Variants in TENM2 observed in about 807,000 individuals in gnomAD.
TENM2 encodes teneurin-2.
TENM2 carries 52 observed loss-of-function variants against 245.2 expected under a neutral mutation model. That is an observed-to-expected ratio of 0.21 (90% CI 0.17 to 0.27). The LOEUF (loss-of-function observed/expected upper bound fraction) is 0.27, where lower values mean the gene tolerates loss of function less well. Among genes scored for constraint, TENM2 ranks in the 10% least tolerant of loss-of-function variants. The pLI is 1.00. For missense variants in TENM2, 3,046 were observed against 3,666.8 expected, an observed-to-expected ratio of 0.83 and a Z score of 4.37; for synonymous variants, 1,363 against 1,438.9, an observed-to-expected ratio of 0.95 and a Z score of 1.19.
intron 17 of TENM2, 21 bp from the exon 20 acceptor site, chr5:168,203,668 C>A: frequency 6.3e-7 from 1 of 1,580,512 alleles, no homozygotes; most frequent in South Asian, 1.1e-5. Context: ...CTCACTCTGC[C>A]CCACCCCTTT....
At chr5:167,772,727 C>T (rs1202100798) in intron 2 of TENM2, among the ~76,000 whole-genome samples, 1 of 152,028 alleles carries the variant, frequency 6.6e-6, no homozygotes, top group Non-Finnish European at 1.5e-5. Context: ...AATAGCCAGG[C>T]TTGCATGTTA....
intron 2 of TENM2, among the ~76,000 whole-genome samples, chr5:167,702,552 G>GTGTGTGTGTGTATATA (rs58351767): frequency 3.3e-4 from 45 of 136,778 alleles, no homozygotes; most frequent in African/African-American, 1.1e-3. Flanking sequence ...GTGTGTGTGT[G>GTGTGTGTGTGTATATA]TATATATATA....
At chr5:167,208,402 C>T in the TENM2 span, among the ~76,000 whole-genome samples, 1 of 152,142 alleles carries the variant, frequency 6.6e-6, no homozygotes, top group South Asian at 2.1e-4. Flanking sequence ...GTTCCACATC[C>T]TAAGGAGAAA....
At chr5:167,573,736 T>G (rs950353969) in intron 2 of TENM2, among the ~76,000 whole-genome samples, 3 of 152,120 alleles carry the variant, frequency 2.0e-5, no homozygotes, top group Admixed American at 6.5e-5. Context: ...CAGCTCAGTT[T>G]GATCGAGCGT....
chr5:167,690,404 G>T (rs958640290), intron 2 of TENM2, among the ~76,000 whole-genome samples: 1 of 152,004 alleles, frequency 6.6e-6, no homozygotes, highest in African/African-American at 2.4e-5. Flanking sequence ...TCTTGAGTTG[G>T]TATACAGAGT....
At chr5:168,163,863 C>A (rs1037369108) in intron 13 of TENM2, among the ~76,000 whole-genome samples, 2 of 152,154 alleles carry the variant, frequency 1.3e-5, no homozygotes, top group African/African-American at 4.8e-5. Flanking sequence ...ACACCTTCCT[C>A]CAGAGCCTCA....
chr5:167,468,005 C>T (rs534067226), intron 2 of TENM2, among the ~76,000 whole-genome samples: 4 of 152,142 alleles, frequency 2.6e-5, no homozygotes, highest in Non-Finnish European at 5.9e-5. Flanking sequence ...GGCACGATCT[C>T]GGCTCATTGC....
the TENM2 span, among the ~76,000 whole-genome samples, chr5:167,170,175 C>G: frequency 2.6e-5 from 4 of 152,170 alleles, no homozygotes; most frequent in Non-Finnish European, 5.9e-5. Context: ...ATAAGCATAC[C>G]GTAGAATTCC....
chr5:167,506,088 G>C (rs1256562167), intron 2 of TENM2, among the ~76,000 whole-genome samples: 1 of 152,128 alleles, frequency 6.6e-6, no homozygotes, highest in African/African-American at 2.4e-5. Context: ...GAAATGAAGA[G>C]AAGAGCCTTC....
chr5:168,247,530 T>C lies in TENM2; in HGVS notation c.6591T>C (p.Asn2197=), dbSNP rs1562333280. The change falls in exon 27 of 29, where the codon AAT becomes AAC. Residue 2197 remains asparagine, a synonymous_variant. Transcript: ENST00000518659. This position sits in a 1 kb window ranked among gnomAD's most constrained non-coding sequence, Gnocchi z 7.8. ...AGCTAAAACTGGGGCCCTATGCCAA[T>C]ACCACGAAGTACACCTATGACTACG... is the stretch of plus-strand genomic sequence containing the variant. 2 of 1,612,922 alleles carry C rather than the reference T, an allele frequency of 1.2e-6. No homozygotes were observed. The highest frequency in any genetic ancestry group is 8.5e-7 in the Non-Finnish European group (1 of 1,179,130).
the TENM2 span, among the ~76,000 whole-genome samples, chr5:167,009,986 G>C: frequency 6.6e-6 from 1 of 152,086 alleles, no homozygotes; most frequent in African/African-American, 2.4e-5. Flanking sequence ...ATTTTTTATT[G>C]GTTTTAGGTT....
chr5:167,366,330 C>G (rs911211628), intron 1 of TENM2, among the ~76,000 whole-genome samples: 3 of 152,072 alleles, frequency 2.0e-5, no homozygotes, highest in African/African-American at 7.2e-5. Flanking sequence ...TCTAAATCAA[C>G]TCATGACAAA....
chr5:166,983,785 G>A, the TENM2 span, among the ~76,000 whole-genome samples: 1 of 152,046 alleles, frequency 6.6e-6, no homozygotes, highest in African/African-American at 2.4e-5. Context: ...GACTTCTCAG[G>A]ACTTGACAGC....
intron 2 of TENM2, among the ~76,000 whole-genome samples, chr5:167,694,526 TA>T (rs1394503445): frequency 3.3e-5 from 5 of 152,236 alleles, no homozygotes; most frequent in African/African-American, 1.2e-4. Flanking sequence ...ACATAGTAAT[TA>T]AAACAGTCAT....
intron 6 of TENM2, among the ~76,000 whole-genome samples, chr5:168,058,465 G>C (rs1789753020): frequency 6.6e-6 from 1 of 152,186 alleles, no homozygotes; most frequent in Admixed American, 6.5e-5. Context: ...GTGGGCTGCA[G>C]AAAAGCATAA....
At chr5:168,203,235 G>T (rs1762075027) in intron 17 of TENM2, among the ~76,000 whole-genome samples, 1 of 152,178 alleles carries the variant, frequency 6.6e-6, no homozygotes, top group Non-Finnish European at 1.5e-5. Context: ...GAATCTCCAT[G>T]TCAATGAGCC....
At chr5:167,951,298 A>G (rs760030610) in intron 3 of TENM2, among the ~76,000 whole-genome samples, 1 of 152,224 alleles carries the variant, frequency 6.6e-6, no homozygotes, top group Non-Finnish European at 1.5e-5. Context: ...TAAAGTTGGC[A>G]GGGGCCAAAA....
intron 13 of TENM2, among the ~76,000 whole-genome samples, chr5:168,179,140 A>G (rs1415358704): frequency 9.1e-5 from 12 of 131,952 alleles, no homozygotes; most frequent in African/African-American, 3.0e-4. Context: ...GCCTGAAAAA[A>G]AAAAAAAAAA....
intron 27 of TENM2, among the ~76,000 whole-genome samples, chr5:168,256,051 G>A (rs569966976): frequency 3.3e-5 from 5 of 151,546 alleles, no homozygotes; most frequent in East Asian, 2.0e-4. Context: ...TGATCTGCCC[G>A]CCTCGGCCTC....
Sources: allele counts gnomAD v4.1 joint callset (sites outside exome capture counted in the v4.1 genomes callset), GRCh38; gene constraint gnomAD v4.1.1; non-coding constraint Gnocchi (gnomAD v3.1); transcripts MANE v1.5; gene names NCBI Gene and HGNC (gene_info 2026-07-23, HGNC 2026-07-21).